Variants in CD207 observed in about 807,000 individuals in gnomAD.
CD207 encodes CD207 molecule.
Under a neutral mutation model 31.6 loss-of-function variants are expected in CD207, and 28 were observed. That is an observed-to-expected ratio of 0.89 (90% CI 0.66 to 1.21). The LOEUF is 1.21. CD207 is among the 50% of genes most tolerant of loss of function. The probability of loss-of-function intolerance (pLI) is 0.00; values close to 1 mark genes in which losing one functional copy is unlikely to be tolerated. For synonymous variants in CD207, 168 were observed against 153.9 expected, an observed-to-expected ratio of 1.09 and a Z score of -0.68; for missense variants, 388 against 397.8, an observed-to-expected ratio of 0.98 and a Z score of 0.21.
downstream of CD207, among the ~76,000 whole-genome samples, chr2:70,829,362 G>A (rs1310379737): frequency 1.3e-5 from 2 of 152,238 alleles, no homozygotes; most frequent in African/African-American, 4.8e-5. Context: ...AAGCCACACA[G>A]GGCCACATGG....
intron 2 of CD207, 113 bp from the exon 3 acceptor site, chr2:70,834,133 C>T: frequency 2.0e-6 from 2 of 981,720 alleles, no homozygotes; most frequent in Admixed American, 3.3e-5. Context: ...TCCCAAAGAA[C>T]CAAGACAGTC....
At chr2:70,831,323 T>C in intron 5 of CD207, 123 bp from the exon 6 acceptor site, 1 of 949,270 alleles carries the variant, frequency 1.1e-6, no homozygotes, top group Non-Finnish European at 1.6e-6. Flanking sequence ...AGCAAATGTC[T>C]GCACCCAAGC....
downstream of CD207, among the ~76,000 whole-genome samples, chr2:70,826,311 A>G (rs1227130792): frequency 6.6e-6 from 1 of 152,212 alleles, no homozygotes; most frequent in Non-Finnish European, 1.5e-5. Context: ...AAGGTCTCAC[A>G]TGGTTGAATC....
chr2:70,835,702 G>T lies in CD207; in HGVS notation c.73+2C>A. On this transcript the variant is annotated splice_donor_variant, in intron 1 of 5. Coordinates refer to ENST00000410009, the MANE Select transcript of CD207 (RefSeq NM_015717.5). LOFTEE classifies it high-confidence loss of function. ...CAGGTTCTCAGCAGCGATGTGGCTT[G>T]CCTCGGGGCCAGAGGGAGATGTTCT... is the stretch of plus-strand genomic sequence containing the variant. 1 of 1,613,224 alleles carries T rather than the reference G, an allele frequency of 6.2e-7. No individual in the cohort carries two copies. The highest frequency in any genetic ancestry group is 8.5e-7 in the Non-Finnish European group (1 of 1,179,492).
At position 70,835,753 on chromosome 2, in the gene CD207, AG is replaced by A. The variant is rs1677604102; in HGVS notation, c.23del (p.Pro8LeufsTer39). 6.2e-7 allele frequency: 1 copy of A among 1,612,644 alleles called. No individual in the cohort carries two copies. Among genetic ancestry groups the A allele is most frequent in the African/African-American group, 1.3e-5 (1 of 74,892 alleles). ...GTTTGTCCACAGTGAAGTGCGCATC[AG>A]GGGCCTCCTTCTCCACAGTCATCCT... MTVEKEA[P>X]DAHFTVDKQN... On this transcript the variant is annotated frameshift_variant, in exon 1 of 6. Transcript: ENST00000410009. LOFTEE classifies it high-confidence loss of function.
chr2:70,830,211 GT>G lies in CD207; in HGVS notation c.*838del, dbSNP rs1304364440. ...CCAGAAATGAAAAAGTGCACTTGGAGTGAGTCCTTGACCCAGGCAGCATTTT... is the reference window on the plus strand; with the variant it reads ...CCAGAAATGAAAAAGTGCACTTGGAGGAGTCCTTGACCCAGGCAGCATTTT... On this transcript the variant is annotated 3_prime_UTR_variant, in exon 6 of 6. Coordinates refer to ENST00000410009, the MANE Select transcript of CD207 (RefSeq NM_015717.5). 3.9e-5 allele frequency: 6 copies of G among 152,244 alleles called. No homozygotes were observed. The highest frequency in any genetic ancestry group is 3.3e-4 in the Admixed American group (5 of 15,290). The allele number at this position is 152,244 out of a possible 1,614,324, so 9.4% of individuals were successfully genotyped here.
chr2:70,835,580 A>G lies in CD207; in HGVS notation c.101T>C (p.Leu34Pro), dbSNP rs1553400880. 6.2e-7 allele frequency: 1 copy of G among 1,614,002 alleles called. No homozygotes were observed. Among genetic ancestry groups the G allele is most frequent in the Non-Finnish European group, 8.5e-7 (1 of 1,179,856 alleles). Reference protein sequence around the residue: ...REPPPKSGPSLVPGKTPTVRA... With the variant: ...REPPPKSGPSPVPGKTPTVRA... ...GACTGTGGGTGTTTTCCCCGGGACCAGAGATGGACCGGACTTGGGAGGAGG... is the reference window on the plus strand; with the variant it reads ...GACTGTGGGTGTTTTCCCCGGGACCGGAGATGGACCGGACTTGGGAGGAGG... Residue 34 changes from leucine to proline, a missense_variant, in exon 2 of 6, where the codon CTG becomes CCG. Physicochemically the swap from Leu to Pro is moderately conservative, Grantham distance 98 (BLOSUM62 -3). Transcript: ENST00000410009.
downstream of CD207, among the ~76,000 whole-genome samples, chr2:70,828,192 C>T (rs782585267): frequency 6.6e-6 from 1 of 152,154 alleles, no homozygotes; most frequent in Non-Finnish European, 1.5e-5. Flanking sequence ...CCAAGACCTG[C>T]TAGAGACAGG....
At chr2:70,828,421 C>T (rs1553399159), downstream of CD207, among the ~76,000 whole-genome samples, 1 of 152,200 alleles carries the variant, frequency 6.6e-6, no homozygotes, top group Admixed American at 6.5e-5. Flanking sequence ...GGGGCACAGA[C>T]TCCAGATAAA....
At chr2:70,835,103 G>C (rs79890540) in intron 2 of CD207, among the ~76,000 whole-genome samples, 1 of 152,084 alleles carries the variant, frequency 6.6e-6, no homozygotes, top group African/African-American at 2.4e-5. Context: ...TCCTTCACAG[G>C]GTCAGGAGAC....
In CD207 at chr2:70,834,029, G is replaced by A; in HGVS notation, c.191-9C>T. On this transcript the variant is annotated splice_polypyrimidine_tract_variant and intron_variant, in intron 2 of 5. Transcript: ENST00000410009. ...GCCCATAAACCGGGGATCTGGGATT[G>A]AGAAAGTCAGGAGGTCAGCTGAGGG... 6.6e-7 allele frequency: 1 copy of A among 1,504,268 alleles called. No homozygotes were observed. The highest frequency in any genetic ancestry group is 8.9e-7 in the Non-Finnish European group (1 of 1,128,110). The allele number at this position is 1,504,268 out of a possible 1,614,324, so 93.2% of individuals were successfully genotyped here.
chr2:70,834,085 C>T, intron 2 of CD207, 65 bp from the exon 3 acceptor site: 1 of 1,393,322 alleles, frequency 7.2e-7, no homozygotes, highest in Non-Finnish European at 9.4e-7. Flanking sequence ...GGGGTGTTGT[C>T]AGGTTGATCA....
At chr2:70,825,717 T>A (rs544516646), downstream of CD207, among the ~76,000 whole-genome samples, 1 of 152,116 alleles carries the variant, frequency 6.6e-6, no homozygotes, top group African/African-American at 2.4e-5. Context: ...TTTTGTATTT[T>A]TTTTTTAGAG....
At chr2:70,828,906 C>T (rs1574391948), downstream of CD207, among the ~76,000 whole-genome samples, 1 of 152,136 alleles carries the variant, frequency 6.6e-6, no homozygotes, top group Non-Finnish European at 1.5e-5. Context: ...CTCAGGTGAC[C>T]CACCCACTTC....
chr2:70,828,001 CA>C (rs1451359182), downstream of CD207, among the ~76,000 whole-genome samples: 1 of 151,240 alleles, frequency 6.6e-6, no homozygotes, highest in Non-Finnish European at 1.5e-5. Context: ...CCTGCCAAAT[CA>C]GAAAAAAAAA....
chr2:70,835,474 G>A lies in CD207; in HGVS notation c.190+17C>T, dbSNP rs782391335. On this transcript the variant is annotated intron_variant, in intron 2 of 5. Transcript: ENST00000410009. ...CAGAGAGGGGCTAAGCCCAGACGAT[G>A]AAACATGAGGACTTACAAAGGACGG... 6 of 1,581,286 alleles carry A rather than the reference G, an allele frequency of 3.8e-6. No individual in the cohort carries two copies. The highest frequency in any genetic ancestry group is 5.2e-6 in the Non-Finnish European group (6 of 1,151,310).
the CD207 span, among the ~76,000 whole-genome samples, chr2:70,825,189 TC>T: frequency 6.6e-6 from 1 of 152,108 alleles, no homozygotes; most frequent in African/African-American, 2.4e-5. Flanking sequence ...TAAGGGACAA[TC>T]TACAAAGTAC....
chr2:70,835,655 G>T, intron 1 of CD207, 48 bp from the exon 2 acceptor site: 1 of 1,609,200 alleles, frequency 6.2e-7, no homozygotes. Context: ...GCAAAGGGCA[G>T]GTTTGCACAC....
chr2:70,825,510 T>C (rs1374752563), downstream of CD207, among the ~76,000 whole-genome samples: 4 of 152,176 alleles, frequency 2.6e-5, no homozygotes, highest in African/African-American at 9.7e-5. Flanking sequence ...AATTTTTCTG[T>C]AAAGCTGAAA....
Sources: allele counts gnomAD v4.1 joint callset (sites outside exome capture counted in the v4.1 genomes callset), GRCh38; gene constraint gnomAD v4.1.1; transcripts MANE v1.5; gene names NCBI Gene and HGNC (gene_info 2026-07-23, HGNC 2026-07-21).